TUSC3: variants seen among roughly 807,000 people sequenced by gnomAD.
TUSC3 encodes the protein tumor suppressor candidate 3, also known as dolichyl-diphosphooligosaccharide--protein glycosyltransferase subunit TUSC3.
In TUSC3, 45 loss-of-function variants were observed where a neutral mutation model predicts 44.8. The observed-to-expected ratio is 1.00, with a 90% CI of 0.79 to 1.29. The LOEUF (loss-of-function observed/expected upper bound fraction) is 1.29, where lower values mean the gene tolerates loss of function less well. TUSC3 is among the 50% of genes most tolerant of loss of function. The pLI is 0.00. For missense variants in TUSC3, 519 were observed against 437.9 expected (o/e 1.19, Z -1.65); for synonymous variants, 212 against 152.9 (o/e 1.39, Z -2.85).
chr8:15,667,292 T>G (rs1327371136), intron 5 of TUSC3, among the ~76,000 whole-genome samples: 1 of 151,618 alleles, frequency 6.6e-6, no homozygotes, highest in African/African-American at 2.4e-5. Flanking sequence ...TTTTTGTAAC[T>G]AAAGCAGTAT....
chr8:15,424,195 G>T (rs574331410), intron 1 of TUSC3, among the ~76,000 whole-genome samples: 1 of 151,652 alleles, frequency 6.6e-6, no homozygotes, highest in African/African-American at 2.4e-5. Context: ...CACCATGTTA[G>T]CCAGGATAGT....
the TUSC3 span, among the ~76,000 whole-genome samples, chr8:15,807,858 C>A: frequency 6.6e-6 from 1 of 152,086 alleles, no homozygotes; most frequent in African/African-American, 2.4e-5. Context: ...ACTGGGGACT[C>A]ACAGAATGCG....
intron 2 of TUSC3, among the ~76,000 whole-genome samples, chr8:15,531,151 C>T (rs1475858539): frequency 6.6e-6 from 1 of 152,178 alleles, no homozygotes; most frequent in African/African-American, 2.4e-5. Context: ...CAGAAGTAGG[C>T]CAACAAATAA....
chr8:15,639,470 T>G (rs983491297), intron 2 of TUSC3, among the ~76,000 whole-genome samples: 1 of 152,212 alleles, frequency 6.6e-6, no homozygotes, highest in Non-Finnish European at 1.5e-5. Flanking sequence ...AAACGGTGCT[T>G]TATTTCTCTA....
chr8:15,601,044 G>A (rs1044149207), intron 1 of TUSC3, among the ~76,000 whole-genome samples: 2 of 151,598 alleles, frequency 1.3e-5, no homozygotes, highest in South Asian at 4.2e-4. Flanking sequence ...CAGAGTGCAA[G>A]CTATAACACT....
chr8:15,482,541 C>T (rs1248957717), intron 1 of TUSC3, among the ~76,000 whole-genome samples: 1 of 152,178 alleles, frequency 6.6e-6, no homozygotes, highest in African/African-American at 2.4e-5. Flanking sequence ...TGTTAATGCT[C>T]ATTGACAATG....
chr8:15,444,827 C>A (rs1409193428), intron 1 of TUSC3, among the ~76,000 whole-genome samples: 2 of 152,158 alleles, frequency 1.3e-5, no homozygotes, highest in Non-Finnish European at 2.9e-5. Context: ...CAAGTGGATA[C>A]TATTTCTTCT....
At chr8:15,523,122 C>T (rs76195173) in intron 2 of TUSC3, among the ~76,000 whole-genome samples, 1,757 of 152,226 alleles carry the variant, frequency 0.012, 12 homozygotes, top group Non-Finnish European at 0.018. Flanking sequence ...CAGCATGATG[C>T]CGTAGGAAAG....
At chr8:15,843,362 G>C in the TUSC3 span, among the ~76,000 whole-genome samples, 1 of 152,174 alleles carries the variant, frequency 6.6e-6, no homozygotes, top group Non-Finnish European at 1.5e-5. Context: ...TGTGTCACAA[G>C]ACACAATACC....
At chr8:15,828,265 G>A in the TUSC3 span, among the ~76,000 whole-genome samples, 1 of 152,140 alleles carries the variant, frequency 6.6e-6, no homozygotes, top group African/African-American at 2.4e-5. Flanking sequence ...GAAGTGCTGG[G>A]ATTATAGGCA....
the TUSC3 span, among the ~76,000 whole-genome samples, chr8:15,780,674 A>T: frequency 6.6e-6 from 1 of 152,124 alleles, no homozygotes; most frequent in Non-Finnish European, 1.5e-5. Context: ...GGACCTGGGC[A>T]CTTTCTCATC....
chr8:15,521,390 C>T (rs951354544), intron 2 of TUSC3, among the ~76,000 whole-genome samples: 1 of 152,026 alleles, frequency 6.6e-6, no homozygotes, highest in African/African-American at 2.4e-5. Context: ...GAGTGAGGGG[C>T]AGCAGGAATG....
intron 9 of TUSC3, among the ~76,000 whole-genome samples, chr8:15,750,895 G>A (rs534442154): frequency 1.3e-5 from 2 of 152,130 alleles, no homozygotes; most frequent in South Asian, 2.1e-4. Context: ...TTTTAGAGTG[G>A]TTTGTGAATA....
chr8:15,682,516 G>C (rs899261109), intron 6 of TUSC3, among the ~76,000 whole-genome samples: 7 of 152,054 alleles, frequency 4.6e-5, no homozygotes, highest in Non-Finnish European at 8.8e-5. Flanking sequence ...TTGAGTGTTA[G>C]ATCGTTTTCC....
chr8:15,561,853 C>G (rs565355461), intron 1 of TUSC3, among the ~76,000 whole-genome samples: 5 of 152,244 alleles, frequency 3.3e-5, no homozygotes, highest in African/African-American at 1.2e-4. Flanking sequence ...ATGCCTCGCC[C>G]TGTTTCGGCT....
chr8:15,692,367 C>G (rs1336232320), intron 6 of TUSC3, among the ~76,000 whole-genome samples: 1 of 127,062 alleles, frequency 7.9e-6, no homozygotes, highest in African/African-American at 2.9e-5. Flanking sequence ...ACCCCCCCCC[C>G]CCCCTTTGTT....
At chr8:15,797,825 T>C in the TUSC3 span, among the ~76,000 whole-genome samples, 3 of 152,182 alleles carry the variant, frequency 2.0e-5, no homozygotes, top group Non-Finnish European at 4.4e-5. Flanking sequence ...CAATCACCTT[T>C]GCAACATCCG....
intron 6 of TUSC3, among the ~76,000 whole-genome samples, chr8:15,682,912 T>G (rs920587868): frequency 7.2e-5 from 11 of 152,092 alleles, no homozygotes; most frequent in Non-Finnish European, 1.0e-4. Context: ...CTTACCAGCT[T>G]AGTTTGGCAT....
chr8:15,544,470 A>T (rs1801797545), intron 1 of TUSC3, among the ~76,000 whole-genome samples: 1 of 151,846 alleles, frequency 6.6e-6, no homozygotes, highest in Non-Finnish European at 1.5e-5. Flanking sequence ...GTAATAATGA[A>T]TATGCAATAT....
Sources: allele counts gnomAD v4.1 joint callset (sites outside exome capture counted in the v4.1 genomes callset), GRCh38; gene constraint gnomAD v4.1.1; transcripts MANE v1.5; gene names NCBI Gene and HGNC (gene_info 2026-07-23, HGNC 2026-07-21).